Variants in ZNF799 observed in about 807,000 individuals in gnomAD.
ZNF799 encodes zinc finger protein 14.
ZNF799 carries 28 observed loss-of-function variants against 41.0 expected under a neutral mutation model. That is an observed-to-expected ratio of 0.68 (90% CI 0.51 to 0.94). The LOEUF (loss-of-function observed/expected upper bound fraction) is 0.94. Among genes scored for constraint, ZNF799 ranks in the 40% least tolerant of loss-of-function variants. The pLI is 0.00. For missense variants in ZNF799, 716 were observed against 764.3 expected (o/e 0.94, Z 0.74); for synonymous variants, 213 against 252.9 (o/e 0.84, Z 1.50).
At chr19:12,395,716 C>T (rs1430262409) in intron 1 of ZNF799, among the ~76,000 whole-genome samples, 1 of 151,754 alleles carries the variant, frequency 6.6e-6, no homozygotes, top group African/African-American at 2.4e-5. Context: ...TCACAAAAGA[C>T]ACCGGAGAAG....
chr19:12,391,338 T>C lies in ZNF799; in HGVS notation c.1060A>G (p.Ser354Gly), dbSNP rs1380928932. The C allele has an allele frequency of 6.2e-7, 1 of 1,614,212 alleles. No individual in the cohort carries two copies. Among genetic ancestry groups the C allele is most frequent in the South Asian group, 1.1e-5 (1 of 91,088 alleles). ...TCTCCAGTGTGAGTTCTTTCATGAC[T>C]TTTCAGTGAACTAGGACAATCAAAG... ...KGFDCPSSLKSHERTHTGEKL... is the reference protein window; with the variant it reads ...KGFDCPSSLKGHERTHTGEKL... The change falls in exon 4 of 4, where the codon AGT becomes GGT. Residue 354 changes from serine to glycine, a missense_variant. Physicochemically the swap from Ser to Gly is moderately conservative, Grantham distance 56. Transcript: ENST00000430385.
upstream of ZNF799, chr19:12,401,289 C>T: frequency 1.5e-6 from 2 of 1,343,494 alleles, no homozygotes; most frequent in Non-Finnish European, 2.0e-6. Flanking sequence ...ACGAACCCGC[C>T]CCACGGCCCT....
intron 1 of ZNF799, chr19:12,393,667 G>A (rs1401726870): frequency 4.9e-5 from 66 of 1,352,790 alleles, no homozygotes; most frequent in Non-Finnish European, 6.2e-5. Flanking sequence ...CGAACTGAGT[G>A]AGTGAATCAC....
chr19:12,407,210 T>C, the ZNF799 span, among the ~76,000 whole-genome samples: 2 of 152,066 alleles, frequency 1.3e-5, no homozygotes, highest in Non-Finnish European at 2.9e-5. Context: ...ATGCCTATAA[T>C]TCCGGCACTT....
intron 1 of ZNF799, among the ~76,000 whole-genome samples, chr19:12,397,808 G>A (rs1187568124): frequency 6.6e-6 from 1 of 151,840 alleles, no homozygotes. Context: ...AGAAGACAAG[G>A]ACTGACACAG....
chr19:12,405,078 C>A (rs1419226296), upstream of ZNF799, among the ~76,000 whole-genome samples: 1 of 152,146 alleles, frequency 6.6e-6, no homozygotes, highest in Non-Finnish European at 1.5e-5. Context: ...TTCTCCCATG[C>A]TGGATGCTTC....
the ZNF799 span, among the ~76,000 whole-genome samples, chr19:12,410,258 T>C: frequency 4.7e-5 from 1 of 21,482 alleles, no homozygotes. Flanking sequence ...TGTGTGCATA[T>C]ATATATATAT....
In ZNF799 at chr19:12,390,885, CAT is replaced by C. The variant is rs1207783900; in HGVS notation, c.1511_1512del (p.Tyr504Ter). 2 of 1,613,950 alleles carry C rather than the reference CAT, an allele frequency of 1.2e-6. No homozygotes were observed. Among genetic ancestry groups the C allele is most frequent in the Non-Finnish European group, 1.7e-6 (2 of 1,180,002 alleles). ...AAGGCTTTCTTACATGTGTTACACT[CAT>C]AAGGTTTCTCTCCTGTGTGAGTCCT... Reference protein sequence around the residue: ...HRRTHTGEKPYECNTCKKAFS... With the variant: ...HRRTHTGEKPXECNTCKKAFS... On this transcript the variant is annotated frameshift_variant, in exon 4 of 4. Coordinates refer to ENST00000430385, the MANE Select transcript of ZNF799 (RefSeq NM_001080821.3). LOFTEE classifies it high-confidence loss of function.
rs62111328 is a variant in ZNF799, at chr19:12,392,260, G to A, written c.192-54C>T. ...AAGTCGGTCTATAAATAATTGTATA[G>A]GTATTAATAAGTATTGGATGTACAT... is the stretch of plus-strand genomic sequence containing the variant. On this transcript the variant is annotated intron_variant, in intron 3 of 3. Transcript: ENST00000430385. The A allele has an allele frequency of 1.0e-4, 130 of 1,263,782 alleles. No homozygotes were observed. The African/African-American group carries it at 1.7e-3, about 17-fold the overall frequency. The allele number at this position is 1,263,782 out of a possible 1,614,324, so 78.3% of individuals were successfully genotyped here.
chr19:12,413,721 C>A, the ZNF799 span, among the ~76,000 whole-genome samples: 2 of 152,110 alleles, frequency 1.3e-5, no homozygotes, highest in Non-Finnish European at 2.9e-5. Context: ...AGAAAGTTAC[C>A]CCCTGGGGAA....
At chr19:12,397,451 G>A (rs150066447) in intron 1 of ZNF799, among the ~76,000 whole-genome samples, 2 of 150,798 alleles carry the variant, frequency 1.3e-5, no homozygotes, top group Admixed American at 1.3e-4. Flanking sequence ...TGTAGTCCCA[G>A]CTACTCAGGA....
Position 12,390,908 on chromosome 19 carries a change from G to A in ZNF799, c.1490C>T (p.Thr497Ile), listed in dbSNP as rs748746532. 28 of 1,613,852 alleles carry A rather than the reference G, an allele frequency of 1.7e-5. No homozygotes were observed. Among genetic ancestry groups the A allele is most frequent in the South Asian group, 8.8e-5 (8 of 91,076 alleles). Residue 497 changes from threonine to isoleucine, a missense_variant, in exon 4 of 4, where the codon ACT becomes ATT. Physicochemically the swap from Thr to Ile is moderately conservative, Grantham distance 89 (BLOSUM62 -1). Around this residue, in one of 2 missense-constraint regions of ZNF799, gnomAD observed 698 missense variants for 713.6 expected, o/e 0.98. Transcript: ENST00000430385. ...CTCATAAGGTTTCTCTCCTGTGTGA[G>A]TCCTTCTATGTTGAGAAAGGTATTG... The part of the protein sequence containing the change: ...CFQYLSQHRR[T>I]HTGEKPYECN...
intron 1 of ZNF799, among the ~76,000 whole-genome samples, chr19:12,398,700 A>G (rs1475851535): frequency 6.6e-6 from 1 of 152,210 alleles, no homozygotes; most frequent in Non-Finnish European, 1.5e-5. Context: ...TTTAAAAAGG[A>G]GAACTGAACT....
At chr19:12,411,220 T>C in the ZNF799 span, among the ~76,000 whole-genome samples, 2 of 152,170 alleles carry the variant, frequency 1.3e-5, no homozygotes, top group African/African-American at 2.4e-5. Context: ...CCTCTACATC[T>C]TTGAGAAATG....
At position 12,400,799 on chromosome 19, in the gene ZNF799, C is replaced by A. The variant is rs1029341270; in HGVS notation, c.3+269G>T. On this transcript the variant is annotated intron_variant, in intron 1 of 3. Coordinates refer to ENST00000430385, the MANE Select transcript of ZNF799 (RefSeq NM_001080821.3). ...CGAACCTGTGTTGCTTACAGCCGCACAATCTCGGGAGACGCGAGGCTGCGG... is the reference window on the plus strand; with the variant it reads ...CGAACCTGTGTTGCTTACAGCCGCAAAATCTCGGGAGACGCGAGGCTGCGG... 14 of 589,872 alleles carry A rather than the reference C, an allele frequency of 2.4e-5. No individual in the cohort carries two copies. The African/African-American group carries it at 2.6e-4, about 11-fold the overall frequency. 36.5% of individuals were successfully genotyped at this position (589,872 alleles called of 1,614,324 possible). A position where few individuals can be genotyped will look rare whatever the true frequency, so the allele number is the denominator to read the frequency against.
chr19:12,400,871 G>A lies in ZNF799; in HGVS notation c.3+197C>T, dbSNP rs868092871. On this transcript the variant is annotated intron_variant, in intron 1 of 3. Coordinates refer to ENST00000430385, the MANE Select transcript of ZNF799 (RefSeq NM_001080821.3). ...GCGCCGGGGCCGCAGTCGCCGCGCAGGAACGGGACAGGACGCCCGGGGTCC... is the reference window on the plus strand; with the variant it reads ...GCGCCGGGGCCGCAGTCGCCGCGCAAGAACGGGACAGGACGCCCGGGGTCC... 197 of 914,886 alleles carry A rather than the reference G, an allele frequency of 2.2e-4. 1 individual carries two copies. The highest frequency in any genetic ancestry group is 7.7e-4 in the South Asian group (46 of 60,130). The allele number at this position is 914,886 out of a possible 1,614,324, so 56.7% of individuals were successfully genotyped here. A position where few individuals can be genotyped will look rare whatever the true frequency, so the allele number is the denominator to read the frequency against.
chr19:12,401,595 AGAGAGG>A (rs1223184796), upstream of ZNF799, among the ~76,000 whole-genome samples: 21 of 112,730 alleles, frequency 1.9e-4, no homozygotes, highest in Non-Finnish European at 2.8e-4. Context: ...AGAGAGAGAG[AGAGAGG>A]GAGTCTTGCT....
the ZNF799 span, among the ~76,000 whole-genome samples, chr19:12,415,079 A>T: frequency 6.6e-6 from 1 of 152,316 alleles, no homozygotes; most frequent in East Asian, 1.9e-4. Context: ...GCAGTGGCTC[A>T]TGCCTGTAAT....
intron 1 of ZNF799, among the ~76,000 whole-genome samples, chr19:12,395,862 G>GGTCA (rs1418199677): frequency 1.3e-5 from 2 of 152,254 alleles, no homozygotes; most frequent in African/African-American, 4.8e-5. Flanking sequence ...GACTGGAAGA[G>GGTCA]GTCAGGCTTT....
Sources: allele counts gnomAD v4.1 joint callset (sites outside exome capture counted in the v4.1 genomes callset), GRCh38; gene constraint gnomAD v4.1.1; regional missense constraint gnomAD v4.1.1; transcripts MANE v1.5; gene names NCBI Gene and HGNC (gene_info 2026-07-23, HGNC 2026-07-21).